The following EP300 variants were observed in gnomAD, a reference collection of about 807,000 sequenced individuals.
EP300 encodes EP300 lysine acetyltransferase, also known as histone acetyltransferase p300.
A neutral mutation model predicts 264.0 loss-of-function variants in EP300; 31 were observed. The observed-to-expected ratio is 0.12, with a 90% confidence interval of 0.09 to 0.16. The LOEUF (loss-of-function observed/expected upper bound fraction) is 0.16. Among genes scored for constraint, EP300 ranks in the 10% least tolerant of loss-of-function variants. The pLI, the probability that EP300 is intolerant of heterozygous loss-of-function variation, is 1.00. For missense variants in EP300, 2,766 were observed against 3,052.9 expected (o/e 0.91, Z 2.21); for synonymous variants, 1,340 against 1,045.4 (o/e 1.28, Z -5.44).
At chr22:41,096,354 A>G (rs992200305) in intron 1 of EP300, among the ~76,000 whole-genome samples, 2 of 152,168 alleles carry the variant, frequency 1.3e-5, no homozygotes, top group Non-Finnish European at 2.9e-5. Context: ...CTGCTTGGTA[A>G]ACGCTTAATG....
At chr22:41,099,165 A>G (rs2058717813) in intron 1 of EP300, among the ~76,000 whole-genome samples, 1 of 152,116 alleles carries the variant, frequency 6.6e-6, no homozygotes. Context: ...CCCGGCTTCA[A>G]GCGATTCTCC....
Position 41,165,356 on chromosome 22 carries a change from C to T in EP300, c.3806+1226C>T, listed in dbSNP as rs181267647. On this transcript the variant is annotated intron_variant, in intron 22 of 30. Transcript: ENST00000263253. ...ATGAAGTAAAAAGCGACGGTCTCAG[C>T]TTCTCTCTTCCCACCCAGATTCCTC... Among the ~76,000 whole-genome samples, 106 of 152,318 alleles carry T rather than the reference C, an allele frequency of 7.0e-4. No homozygotes were observed. In the Middle Eastern group the frequency reaches 0.017, roughly 24 times the overall value.
rs1319734151 is a variant in EP300, at chr22:41,095,227, T to C, written c.94+2129T>C. Among the ~76,000 whole-genome samples the C allele has an allele frequency of 2.9e-5, 4 of 139,214 alleles. No individual in the cohort carries two copies. The East Asian group carries it at 6.0e-4, about 21-fold the overall frequency. 91.3% of individuals were successfully genotyped at this position (139,214 alleles called of 152,430 possible). A position where few individuals can be genotyped will look rare whatever the true frequency, so the allele number is the denominator to read the frequency against. On this transcript the variant is annotated intron_variant, in intron 1 of 30. Coordinates refer to ENST00000263253, the MANE Select transcript of EP300 (RefSeq NM_001429.4). Reference sequence around the variant, plus strand: ...TTAACTTACTTCAAGTTGGGTACCATTGTAATTTTTTTTTTTTTTTTTTTT... The same window carrying C: ...TTAACTTACTTCAAGTTGGGTACCACTGTAATTTTTTTTTTTTTTTTTTTT...
intron 16 of EP300, among the ~76,000 whole-genome samples, chr22:41,153,668 T>A (rs2145742737): frequency 6.6e-6 from 1 of 152,280 alleles, no homozygotes; most frequent in South Asian, 2.1e-4. Flanking sequence ...AAGAATCACT[T>A]GAACCCGGGA....
chr22:41,176,678 A>T (rs1023112865), intron 30 of EP300, 95 bp from the exon 31 acceptor site: 1 of 1,612,364 alleles, frequency 6.2e-7, no homozygotes. Flanking sequence ...TTTTTGTTCT[A>T]CGAAAGGGGC....
intron 1 of EP300, among the ~76,000 whole-genome samples, chr22:41,107,676 T>A (rs1003631801): frequency 3.3e-5 from 5 of 152,176 alleles, no homozygotes; most frequent in African/African-American, 1.2e-4. Context: ...ATCCTTTGAT[T>A]TTTGGAAAGG....
At position 41,147,934 on chromosome 22, in the gene EP300, A is replaced by T. The variant is rs1432836432; in HGVS notation, c.2229A>T (p.Gly743=). The change falls in exon 12 of 31, where the codon GGA becomes GGT. Residue 743 remains glycine, a synonymous_variant. Transcript: ENST00000263253. ...LQHHGQLAQP[G]ALNPPMGYGP... is the part of the protein sequence containing the mutation. ...ACCATGGACAGTTGGCTCAACCTGG[A>T]GCTCTCAACCCGGTTAGTTTGACGT... 2.5e-6 allele frequency: 4 copies of T among 1,607,728 alleles called. No homozygotes were observed. The African/African-American group carries it at 5.4e-5, about 22-fold the overall frequency.
intron 15 of EP300, 92 bp downstream of exon 15, chr22:41,152,104 T>C: frequency 3.8e-6 from 6 of 1,585,866 alleles, no homozygotes; most frequent in Non-Finnish European, 5.2e-6. Flanking sequence ...ATTTTGATAA[T>C]TAGATCTCAT....
At chr22:41,095,480 C>T (rs1288819285) in intron 1 of EP300, among the ~76,000 whole-genome samples, 1 of 151,932 alleles carries the variant, frequency 6.6e-6, no homozygotes, top group Non-Finnish European at 1.5e-5. Context: ...GATCCACCCA[C>T]CTTGGCCTCC....
chr22:41,153,964 G>A (rs1445378964), intron 16 of EP300, among the ~76,000 whole-genome samples: 1 of 152,030 alleles, frequency 6.6e-6, no homozygotes, highest in Non-Finnish European at 1.5e-5. Flanking sequence ...TAAGGCCCTT[G>A]CTGAAATTGA....
At chr22:41,175,170 C>A (rs959161087) in intron 29 of EP300, among the ~76,000 whole-genome samples, 1 of 152,310 alleles carries the variant, frequency 6.6e-6, no homozygotes, top group East Asian at 1.9e-4. Flanking sequence ...ATAGGTTTGA[C>A]TTAAATTGTG....
intron 4 of EP300, among the ~76,000 whole-genome samples, chr22:41,128,498 ATTATT>A (rs966320439): frequency 1.5e-4 from 23 of 152,186 alleles, no homozygotes; most frequent in Admixed American, 9.8e-4. Context: ...ATTTTTTAAA[ATTATT>A]TTATTTTATT....
At chr22:41,141,809 T>G (rs1302479390) in intron 10 of EP300, among the ~76,000 whole-genome samples, 2 of 152,082 alleles carry the variant, frequency 1.3e-5, no homozygotes, top group East Asian at 3.9e-4. Flanking sequence ...TCCGAGTAGC[T>G]GGGATTACAG....
Position 41,117,665 on chromosome 22 carries a change from C to A in EP300, c.573C>A (p.Val191=). The part of the protein sequence containing the change: ...GNGQGIMPNQ[V]MNGSIGAGRG... ...GACAAGGGATAATGCCTAATCAAGT[C>A]ATGAACGGTTCAATTGGAGCAGGCC... is the stretch of plus-strand genomic sequence containing the variant. Residue 191 remains valine, a synonymous_variant, in exon 2 of 31, where the codon GTC becomes GTA. Transcript: ENST00000263253. 6.2e-7 allele frequency: 1 copy of A among 1,614,222 alleles called. No individual in the cohort carries two copies. The highest frequency in any genetic ancestry group is 1.1e-5 in the South Asian group (1 of 91,088).
At chr22:41,142,953 A>C (rs965358185) in intron 10 of EP300, among the ~76,000 whole-genome samples, 6 of 152,166 alleles carry the variant, frequency 3.9e-5, no homozygotes, top group Admixed American at 3.9e-4. Flanking sequence ...TTCTGGGTGA[A>C]GTTCTGAGCC....
chr22:41,175,372 T>A (rs1381376678), intron 29 of EP300, among the ~76,000 whole-genome samples: 1 of 152,224 alleles, frequency 6.6e-6, no homozygotes, highest in African/African-American at 2.4e-5. Context: ...ATGTTTTACA[T>A]TTTATTACTT....
In EP300 at chr22:41,147,792, A is replaced by T. The variant is rs182447948; in HGVS notation, c.2132-45A>T. Reference sequence around the variant, plus strand: ...TAAGAATTCTATCTTTTATTATTCAATTTCACAAAGGCATTCAGATCTAAC... The same window carrying T: ...TAAGAATTCTATCTTTTATTATTCATTTTCACAAAGGCATTCAGATCTAAC... On this transcript the variant is annotated intron_variant, in intron 11 of 30. Transcript: ENST00000263253. 2.3e-5 allele frequency: 30 copies of T among 1,280,774 alleles called. No homozygotes were observed. In the African/African-American group the frequency reaches 4.4e-4, roughly 19 times the overall value. 79.3% of individuals were successfully genotyped at this position (1,280,774 alleles called of 1,614,324 possible).
intron 1 of EP300, among the ~76,000 whole-genome samples, chr22:41,116,118 T>C (rs2058819981): frequency 6.6e-6 from 1 of 152,236 alleles, no homozygotes; most frequent in Non-Finnish European, 1.5e-5. Context: ...AACCTTTAGC[T>C]AGCAACTCAT....
intron 1 of EP300, among the ~76,000 whole-genome samples, chr22:41,093,633 ATTC>A: frequency 6.6e-6 from 1 of 152,158 alleles, no homozygotes. Context: ...AAGTTTAACA[ATTC>A]TTTTATCTTA....
Sources: gnomAD v4.1 joint callset for allele counts (sites outside exome capture counted in the v4.1 genomes callset) on GRCh38, gnomAD v4.1.1 for gene constraint, MANE v1.5 for transcripts, NCBI Gene and HGNC (gene_info 2026-07-23, HGNC 2026-07-21) for gene names.